Variants in MTBP observed in about 807,000 individuals in gnomAD.
MTBP encodes mdm2-binding protein.
MTBP carries 101 observed loss-of-function variants against 117.0 expected under a neutral mutation model. The ratio of observed to expected loss-of-function variants is 0.86; its 90% CI spans 0.73 to 1.02. MTBP has a LOEUF of 1.02. MTBP is among the 50% of genes least tolerant of loss of function. The pLI, the probability that MTBP is intolerant of heterozygous loss-of-function variation, is 0.00. For synonymous variants in MTBP, 350 were observed against 351.5 expected, an observed-to-expected ratio of 1.00 and a Z score of 0.05; for missense variants, 970 against 1,030.9, an observed-to-expected ratio of 0.94 and a Z score of 0.81.
At chr8:120,457,006 C>T (rs539255583) in intron 7 of MTBP, among the ~76,000 whole-genome samples, 92 of 152,128 alleles carry the variant, frequency 6.0e-4, no homozygotes, top group African/African-American at 2.0e-3. Context: ...AATTTTTAAT[C>T]GAGTTCATGT....
rs757976713 is a variant in MTBP, at chr8:120,518,043, G to T, written c.2439G>T (p.Met813Ile). 6.2e-6 allele frequency: 10 copies of T among 1,612,604 alleles called. No homozygotes were observed. The highest frequency in any genetic ancestry group is 1.3e-5 in the African/African-American group (1 of 74,842). Residue 813 changes from methionine (M) to isoleucine (I), a missense_variant, in exon 19 of 22, where the codon ATG becomes ATT. Transcript: ENST00000305949. ...AGACCAGTTCAGGTCAAAAAAGTAT[G>T]CATGAATCAAAAACATCAAGGCAAA... is the stretch of plus-strand genomic sequence containing the variant. ...ATKTSSGQKS[M>I]HESKTSRQIK...
intron 18 of MTBP, among the ~76,000 whole-genome samples, chr8:120,517,577 T>C (rs1218311076): frequency 1.3e-5 from 2 of 151,936 alleles, no homozygotes; most frequent in Non-Finnish European, 2.9e-5. Context: ...GCAATAAATT[T>C]TGTTTGCTTT....
intron 15 of MTBP, among the ~76,000 whole-genome samples, chr8:120,503,597 A>G (rs12547937): frequency 0.55 from 83,559 of 151,916 alleles, 25,371 homozygotes; most frequent in Non-Finnish European, 0.67. Flanking sequence ...TACACAGTTC[A>G]GATTTCATTT....
intron 11 of MTBP, chr8:120,473,660 T>G (rs1012064128): frequency 6.6e-6 from 1 of 152,134 alleles, no homozygotes; most frequent in African/African-American, 2.4e-5. Context: ...TACTGTAACT[T>G]ACTGCACCAT....
At chr8:120,498,312 A>T (rs1378237509) in intron 14 of MTBP, among the ~76,000 whole-genome samples, 1 of 152,230 alleles carries the variant, frequency 6.6e-6, no homozygotes, top group Non-Finnish European at 1.5e-5. Context: ...GTACCAAAAA[A>T]GATGTTATTT....
chr8:120,490,651 T>G, intron 13 of MTBP, 81 bp downstream of exon 13: 1 of 797,288 alleles, frequency 1.3e-6, no homozygotes, highest in Non-Finnish European at 2.0e-6. Flanking sequence ...TTGCACACTT[T>G]TTCATATATA....
intron 13 of MTBP, among the ~76,000 whole-genome samples, chr8:120,494,143 G>A (rs1011953221): frequency 2.0e-5 from 3 of 152,104 alleles, no homozygotes; most frequent in East Asian, 1.9e-4. Context: ...GTAGAACCTC[G>A]ACATTGGTTG....
intron 8 of MTBP, among the ~76,000 whole-genome samples, chr8:120,459,664 A>G (rs1813543794): frequency 6.6e-6 from 1 of 152,114 alleles, no homozygotes; most frequent in Non-Finnish European, 1.5e-5. Flanking sequence ...AGAAAAGAGG[A>G]TATGTTTTGA....
At chr8:120,506,897 TA>T (rs746450498) in intron 16 of MTBP, 36 bp downstream of exon 16, 1 of 1,510,566 alleles carries the variant, frequency 6.6e-7, no homozygotes, top group Non-Finnish European at 8.9e-7. Context: ...GTTAACTTTT[TA>T]AAAATTACTT....
intron 15 of MTBP, among the ~76,000 whole-genome samples, chr8:120,504,495 T>C (rs940587980): frequency 2.0e-5 from 3 of 152,180 alleles, no homozygotes; most frequent in African/African-American, 7.2e-5. Context: ...TTTTCTTGGA[T>C]TTCATATATT....
At chr8:120,472,470 C>T (rs1182023067) in intron 11 of MTBP, 1 of 152,052 alleles carries the variant, frequency 6.6e-6, no homozygotes, top group Non-Finnish European at 1.5e-5. Flanking sequence ...AGTTTGCAGT[C>T]TGAGCTGCCC....
intron 16 of MTBP, among the ~76,000 whole-genome samples, chr8:120,508,555 T>G (rs1407504157): frequency 6.6e-6 from 1 of 152,166 alleles, no homozygotes; most frequent in Non-Finnish European, 1.5e-5. Context: ...CTTTTTAGGA[T>G]TCATTAATTG....
At chr8:120,464,353 T>G (rs1175776974) in intron 10 of MTBP, among the ~76,000 whole-genome samples, 9 of 152,020 alleles carry the variant, frequency 5.9e-5, no homozygotes, top group Non-Finnish European at 7.4e-5. Flanking sequence ...CAAATTCAGT[T>G]TCTAATAGGA....
intron 7 of MTBP, 134 bp downstream of exon 7, chr8:120,456,804 A>G: frequency 1.6e-6 from 1 of 641,956 alleles, no homozygotes. Context: ...TTTCTGCAAT[A>G]ATTAAATGTT....
At chr8:120,466,897 T>C (rs2130540434) in intron 10 of MTBP, among the ~76,000 whole-genome samples, 1 of 152,164 alleles carries the variant, frequency 6.6e-6, no homozygotes, top group East Asian at 1.9e-4. Context: ...ATAAATACCT[T>C]GGGTTTCATT....
Position 120,518,831 on chromosome 8 carries a change from TCTA to T in MTBP, c.2610+18_2610+20del. On this transcript the variant is annotated intron_variant, in intron 20 of 21. Transcript: ENST00000305949. Reference sequence around the variant, plus strand: ...TTCTATCTAAAGGTACGGTATCTTCTCTACTAATGGCAAAATTTAGTTCATGTT... The same window carrying T: ...TTCTATCTAAAGGTACGGTATCTTCTCTAATGGCAAAATTTAGTTCATGTT... 6.4e-7 allele frequency: 1 copy of T among 1,557,254 alleles called. No individual in the cohort carries two copies. Among genetic ancestry groups the T allele is most frequent in the African/African-American group, 1.4e-5 (1 of 72,768 alleles).
At chr8:120,500,226 GT>G (rs1814555761) in intron 14 of MTBP, among the ~76,000 whole-genome samples, 1 of 151,812 alleles carries the variant, frequency 6.6e-6, no homozygotes, top group South Asian at 2.1e-4. Flanking sequence ...GAGAGCCTTT[GT>G]GCTTTTTGGC....
rs1408581632 is a variant in MTBP, at chr8:120,517,865, A to G, written c.2261A>G (p.Glu754Gly). ...LYPRKRLVKS[E>G]SSESLLSQTT... ...CTGCTATATAGACTTGTGAAATCTG[A>G]AAGTTCAGAGTCTCTTCTTTCTCAG... The change falls in exon 19 of 22, where the codon GAA (glutamate) becomes GGA (glycine). Residue 754 changes from glutamate (E) to glycine (G), a missense_variant. Transcript: ENST00000305949. 1 of 1,610,766 alleles carries G rather than the reference A, an allele frequency of 6.2e-7. No homozygotes were observed. Among genetic ancestry groups the G allele is most frequent in the Admixed American group, 1.7e-5 (1 of 59,742 alleles).
At chr8:120,484,328 A>G (rs75654297) in intron 11 of MTBP, among the ~76,000 whole-genome samples, 2,079 of 152,278 alleles carry the variant, frequency 0.014, 43 homozygotes, top group African/African-American at 0.046. Flanking sequence ...GTTTATGAGC[A>G]GAATTAATGT....
Sources: gnomAD v4.1 joint callset for allele counts (sites outside exome capture counted in the v4.1 genomes callset) on GRCh38, gnomAD v4.1.1 for gene constraint, MANE v1.5 for transcripts, NCBI Gene and HGNC (gene_info 2026-07-23, HGNC 2026-07-21) for gene names.